Variants in GHRHR observed in about 807,000 individuals in gnomAD.
GHRHR encodes growth hormone-releasing hormone receptor.
In GHRHR, 40 loss-of-function variants were observed where a neutral mutation model predicts 58.3. The observed-to-expected ratio is 0.69, with a 90% confidence interval of 0.53 to 0.89. The LOEUF is 0.89. Ranked by LOEUF, GHRHR falls within the 40% of genes least tolerant of loss-of-function variation. The pLI is 0.00. For missense variants in GHRHR, 551 were observed against 541.3 expected (o/e 1.02, Z -0.18); for synonymous variants, 249 against 216.6 (o/e 1.15, Z -1.31).
At chr7:30,966,488 C>T (rs1051906638) in intron 1 of GHRHR, among the ~76,000 whole-genome samples, 1 of 152,130 alleles carries the variant, frequency 6.6e-6, no homozygotes, top group African/African-American at 2.4e-5. Flanking sequence ...TGTCCTTGCA[C>T]ATGCTGTGCT....
chr7:30,970,490 C>T (rs887934489), intron 4 of GHRHR, among the ~76,000 whole-genome samples: 23 of 152,240 alleles, frequency 1.5e-4, no homozygotes, highest in Non-Finnish European at 2.9e-4. Context: ...TCCCCTTGAT[C>T]TCTGAGAGGT....
chr7:30,972,363 T>G (rs1224427600), intron 6 of GHRHR, among the ~76,000 whole-genome samples: 1 of 152,184 alleles, frequency 6.6e-6, no homozygotes, highest in Non-Finnish European at 1.5e-5. Context: ...CGTTTCACTA[T>G]GCACAGCCTT....
intron 1 of GHRHR, among the ~76,000 whole-genome samples, chr7:30,964,783 C>T (rs1188992655): frequency 9.9e-5 from 15 of 152,250 alleles, no homozygotes; most frequent in South Asian, 8.3e-4. Context: ...CGCTGGAGCA[C>T]GGGGCATCAG....
At chr7:30,973,869 G>A in intron 6 of GHRHR, 116 bp from the exon 7 acceptor site, 3 of 1,033,900 alleles carry the variant, frequency 2.9e-6, no homozygotes, top group Non-Finnish European at 4.5e-6. Context: ...AGGAGCTGCA[G>A]GTCCCAGCCT....
intron 11 of GHRHR, 31 bp downstream of exon 11, chr7:30,976,589 C>A: frequency 6.2e-7 from 1 of 1,605,484 alleles, no homozygotes; most frequent in Non-Finnish European, 8.5e-7. Context: ...TCTTTCTTTC[C>A]ATTGAGGGTG....
chr7:30,966,937 C>T lies in GHRHR; in HGVS notation c.58-1897C>T, dbSNP rs77475387. On this transcript the variant is annotated intron_variant, in intron 1 of 12. Transcript: ENST00000326139. ...GATTACAGGCATGAGCCACTGCGCC[C>T]GGCCCCTGTCCTGCTTCTGATCACA... is the stretch of plus-strand genomic sequence containing the variant. Among the ~76,000 whole-genome samples the T allele has an allele frequency of 7.3e-3, 1,108 of 152,262 alleles. 12 individuals carry two copies. Among genetic ancestry groups the T allele is most frequent in the African/African-American group, 0.025 (1,050 of 41,558 alleles).
chr7:30,979,502 A>G lies in GHRHR; in HGVS notation c.*258A>G, dbSNP rs539807888. On this transcript the variant is annotated 3_prime_UTR_variant, in exon 13 of 13. Transcript: ENST00000326139. ...GGCCTGGGGCTCTAGCCCAAGGCTC[A>G]GAGGAGCCAATAAACCTGTAAATGA... 6 of 460,160 alleles carry G rather than the reference A, an allele frequency of 1.3e-5. No homozygotes were observed. Among genetic ancestry groups the G allele is most frequent in the Admixed American group, 1.0e-4 (3 of 29,576 alleles). 28.5% of individuals were successfully genotyped at this position (460,160 alleles called of 1,614,324 possible). A position where few individuals can be genotyped will look rare whatever the true frequency, so the allele number is the denominator to read the frequency against.
At chr7:30,967,307 A>G (rs1234204008) in intron 1 of GHRHR, among the ~76,000 whole-genome samples, 2 of 152,202 alleles carry the variant, frequency 1.3e-5, no homozygotes, top group African/African-American at 2.4e-5. Context: ...AGATCTCTAC[A>G]TATTCCTGCT....
chr7:30,967,204 G>C (rs1468199601), intron 1 of GHRHR, among the ~76,000 whole-genome samples: 1 of 152,170 alleles, frequency 6.6e-6, no homozygotes, highest in Non-Finnish European at 1.5e-5. Flanking sequence ...CCTTCGGTTT[G>C]GGGCGGTGGG....
chr7:30,976,621 C>T (rs1039310815), intron 11 of GHRHR, 63 bp downstream of exon 11: 3 of 1,479,556 alleles, frequency 2.0e-6, no homozygotes, highest in South Asian at 2.3e-5. Context: ...TGCTGTTGCC[C>T]ACGGGCCTTG....
At chr7:30,967,896 G>T (rs1236493579) in intron 1 of GHRHR, among the ~76,000 whole-genome samples, 2 of 152,188 alleles carry the variant, frequency 1.3e-5, no homozygotes, top group Non-Finnish European at 2.9e-5. Flanking sequence ...GGTTTCCAGT[G>T]GGGTAAATCC....
chr7:30,970,055 G>A, intron 4 of GHRHR, 91 bp downstream of exon 4: 1 of 778,114 alleles, frequency 1.3e-6, no homozygotes, highest in Non-Finnish European at 2.4e-6. Context: ...TCTCTAGCCT[G>A]CAGATTGGAA....
chr7:30,979,142 G>A lies in GHRHR; in HGVS notation c.1170G>A (p.Lys390=). The A allele has an allele frequency of 3.7e-6, 6 of 1,613,800 alleles. No homozygotes were observed. Among genetic ancestry groups the A allele is most frequent in the Non-Finnish European group, 5.1e-6 (6 of 1,179,660 alleles). Residue 390 remains lysine, a synonymous_variant, in exon 13 of 13, where the codon AAG becomes AAA. Coordinates refer to ENST00000326139, the MANE Select transcript of GHRHR (RefSeq NM_000823.4). ...AGGTGAGGACTGAGATCTCACGGAA[G>A]TGGCATGGCCATGACCCTGAGCTTC... is the stretch of plus-strand genomic sequence containing the variant. ...NQEVRTEISR[K]WHGHDPELLP...
At chr7:30,978,296 G>T (rs1000810563) in intron 12 of GHRHR, among the ~76,000 whole-genome samples, 2 of 152,158 alleles carry the variant, frequency 1.3e-5, no homozygotes, top group Admixed American at 6.5e-5. Flanking sequence ...CCTGGGAGGG[G>T]CAAGAAGCAT....
rs770962593 is a variant in GHRHR at position 30,971,125 on chromosome 7, T to C, written c.373T>C (p.Tyr125His). 8 of 1,435,930 alleles carry C rather than the reference T, an allele frequency of 5.6e-6. No individual in the cohort carries two copies. Among genetic ancestry groups the C allele is most frequent in the Non-Finnish European group, 7.7e-6 (8 of 1,040,792 alleles). 88.9% of individuals were successfully genotyped at this position (1,435,930 alleles called of 1,614,324 possible). A position where few individuals can be genotyped will look rare whatever the true frequency, so the allele number is the denominator to read the frequency against. Reference protein sequence around the residue: ...PLELLAEEESYFSTVKIIYTV... With the variant: ...PLELLAEEESHFSTVKIIYTV... ...CTGTCTCTGCCCTTCCCAGGAATCT[T>C]ACTTCTCCACAGTGAAGATTATCTA... Residue 125 changes from tyrosine to histidine, a missense_variant, in exon 5 of 13, where the codon TAC (tyrosine) becomes CAC (histidine). By Grantham distance (83) the Tyr-to-His change is moderately conservative. Transcript: ENST00000326139.
Position 30,969,066 on chromosome 7 carries a change from G to T in GHRHR, c.164G>T (p.Cys55Phe), listed in dbSNP as rs754386566. 2 of 1,578,918 alleles carry T rather than the reference G, an allele frequency of 1.3e-6. No individual in the cohort carries two copies. The highest frequency in any genetic ancestry group is 4.6e-5 in the East Asian group (2 of 43,562). The change falls in exon 3 of 13, where the codon TGC becomes TTC. Residue 55 changes from cysteine to phenylalanine, a missense_variant. Physicochemically the swap from Cys to Phe is radical, Grantham distance 205. Coordinates refer to ENST00000326139, the MANE Select transcript of GHRHR (RefSeq NM_000823.4). ...CTGCTCCTGGCTCTCTATCCAGGCT[G>T]CCCTGCGACCTGGGATGGGCTGCTG... is the stretch of plus-strand genomic sequence containing the variant. ...AEEMPNTTLG[C>F]PATWDGLLCW...
At chr7:30,976,642 T>A (rs2060382745) in intron 11 of GHRHR, 84 bp downstream of exon 11, 1 of 1,174,764 alleles carries the variant, frequency 8.5e-7, no homozygotes. Flanking sequence ...GCTGAGTTCA[T>A]GACAGGGTGA....
chr7:30,964,224 T>C, intron 1 of GHRHR, 99 bp downstream of exon 1: 1 of 1,083,808 alleles, frequency 9.2e-7, no homozygotes, highest in Non-Finnish European at 1.4e-6. Context: ...ACTGCCCTTC[T>C]CCTGCTCTAG....
chr7:30,977,125 A>G (rs1337877466), intron 11 of GHRHR, among the ~76,000 whole-genome samples, 156 bp from the exon 12 acceptor site: 1 of 152,240 alleles, frequency 6.6e-6, no homozygotes, highest in Non-Finnish European at 1.5e-5. Flanking sequence ...TGCCTGGCAC[A>G]TAGTAAGTAA....
Sources: gnomAD v4.1 joint callset for allele counts (sites outside exome capture counted in the v4.1 genomes callset) on GRCh38, gnomAD v4.1.1 for gene constraint, MANE v1.5 for transcripts, NCBI Gene and HGNC (gene_info 2026-07-23, HGNC 2026-07-21) for gene names.